Variants in PRKAA2 observed in about 807,000 individuals in gnomAD.
PRKAA2 encodes 5'-AMP-activated protein kinase catalytic subunit alpha-2.
A neutral mutation model predicts 56.3 loss-of-function variants in PRKAA2; 40 were observed. The observed-to-expected ratio is 0.71, with a 90% CI of 0.55 to 0.92. PRKAA2 has a LOEUF of 0.92. PRKAA2 is among the 40% of genes least tolerant of loss of function. The probability of loss-of-function intolerance (pLI) is 0.00; values close to 1 mark genes in which losing one functional copy is unlikely to be tolerated. For missense variants in PRKAA2, 542 were observed against 686.9 expected, an observed-to-expected ratio of 0.79 and a Z score of 2.36; for synonymous variants, 214 against 234.2, an observed-to-expected ratio of 0.91 and a Z score of 0.79.
At chr1:56,676,806 A>G (rs1277419836) in intron 2 of PRKAA2, among the ~76,000 whole-genome samples, 3 of 152,190 alleles carry the variant, frequency 2.0e-5, no homozygotes, top group Admixed American at 6.5e-5. Flanking sequence ...AGAGTATGCC[A>G]CTGACTGTTC....
At chr1:56,707,066 C>G (rs1055933578) in intron 8 of PRKAA2, among the ~76,000 whole-genome samples, 1 of 152,124 alleles carries the variant, frequency 6.6e-6, no homozygotes, top group African/African-American at 2.4e-5. Context: ...AACAAGATTT[C>G]TCTCACTTTG....
At chr1:56,681,522 T>C (rs2100413013) in intron 2 of PRKAA2, among the ~76,000 whole-genome samples, 1 of 152,322 alleles carries the variant, frequency 6.6e-6, no homozygotes, top group Non-Finnish European at 1.5e-5. Flanking sequence ...CCATCTTGAA[T>C]TAATTTTTGT....
intron 1 of PRKAA2, among the ~76,000 whole-genome samples, chr1:56,650,019 C>G (rs12086954): frequency 1.3e-5 from 2 of 151,920 alleles, no homozygotes; most frequent in Non-Finnish European, 2.9e-5. Flanking sequence ...CACTTGGACC[C>G]GGGAGGCGGA....
At chr1:56,682,680 AT>A (rs1339466159) in intron 2 of PRKAA2, among the ~76,000 whole-genome samples, 1 of 152,096 alleles carries the variant, frequency 6.6e-6, no homozygotes, top group Non-Finnish European at 1.5e-5. Context: ...TAGAATGGGT[AT>A]GGTGGCAGAA....
chr1:56,714,191 T>C lies in PRKAA2; in HGVS notation c.*6478T>C, dbSNP rs1644390228. 6.6e-6 allele frequency: 1 copy of C among 152,166 alleles called. No individual in the cohort carries two copies. The highest frequency in any genetic ancestry group is 2.4e-5 in the African/African-American group (1 of 41,442). The allele number at this position is 152,166 out of a possible 1,614,324, so 9.4% of individuals were successfully genotyped here. ...ATGGCAGTTTTTATATTTTAACCCTTTAAAAAGTTTGTCAAGGAAACAACT... is the reference window on the plus strand; with the variant it reads ...ATGGCAGTTTTTATATTTTAACCCTCTAAAAAGTTTGTCAAGGAAACAACT... On this transcript the variant is annotated 3_prime_UTR_variant, in exon 9 of 9. Coordinates refer to ENST00000371244, the MANE Select transcript of PRKAA2 (RefSeq NM_006252.4).
Position 56,704,418 on chromosome 1 carries a change from G to T in PRKAA2, c.1236G>T (p.Pro412=), listed in dbSNP as rs772663945. 2 of 1,613,212 alleles carry T rather than the reference G, an allele frequency of 1.2e-6. No homozygotes were observed. Residue 412 remains proline (P), a synonymous_variant, in exon 7 of 9, where the codon CCG becomes CCT. Coordinates refer to ENST00000371244, the MANE Select transcript of PRKAA2 (RefSeq NM_006252.4). ...WHLGIRSQSK[P]YDIMAEVYRA... is the part of the protein sequence containing the mutation. ...TTGGAATCCGAAGTCAGAGCAAACCGTATGACATTATGGCTGAAGTTTACC... is the reference window on the plus strand; with the variant it reads ...TTGGAATCCGAAGTCAGAGCAAACCTTATGACATTATGGCTGAAGTTTACC...
chr1:56,649,664 T>C (rs1427062925), intron 1 of PRKAA2, among the ~76,000 whole-genome samples: 2 of 152,026 alleles, frequency 1.3e-5, no homozygotes, highest in Non-Finnish European at 2.9e-5. Flanking sequence ...TATTAATTAG[T>C]TTTTTTTAGG....
Position 56,695,918 on chromosome 1 carries a change from G to C in PRKAA2, c.564-17G>C. On this transcript the variant is annotated splice_polypyrimidine_tract_variant and intron_variant, in intron 5 of 8. Transcript: ENST00000371244. ...GATTCTTGCATTTCAGGTTTGTGTTGTCATCTTTTTTCTTAGATTGTATGC... is the reference window on the plus strand; with the variant it reads ...GATTCTTGCATTTCAGGTTTGTGTTCTCATCTTTTTTCTTAGATTGTATGC... 6.2e-7 allele frequency: 1 copy of C among 1,603,856 alleles called. No homozygotes were observed. Among genetic ancestry groups the C allele is most frequent in the East Asian group, 2.2e-5 (1 of 44,786 alleles).
chr1:56,692,229 A>C, intron 3 of PRKAA2, 129 bp from the exon 4 acceptor site: 1 of 1,051,508 alleles, frequency 9.5e-7, no homozygotes, highest in Non-Finnish European at 1.4e-6. Context: ...ATGGAGTTTC[A>C]CCTTATTGGT....
At chr1:56,680,916 C>A (rs931390109) in intron 2 of PRKAA2, among the ~76,000 whole-genome samples, 6 of 152,158 alleles carry the variant, frequency 3.9e-5, no homozygotes, top group Admixed American at 6.5e-5. Context: ...AGTTCTAGAT[C>A]CTTGAGGAAT....
chr1:56,675,351 T>C (rs1193779798), intron 2 of PRKAA2, among the ~76,000 whole-genome samples: 1 of 152,204 alleles, frequency 6.6e-6, no homozygotes, highest in African/African-American at 2.4e-5. Flanking sequence ...AAGCATTTTT[T>C]TTTTGTCAAG....
At position 56,645,466 on chromosome 1, in the gene PRKAA2, T is replaced by C; in HGVS notation, c.79T>C (p.Phe27Leu). ...GGGCGACACGCTGGGCGTCGGCACC[T>C]TCGGCAAAGTGAAGAGTTGAGTACG... is the stretch of plus-strand genomic sequence containing the variant. ...VLGDTLGVGT[F>L]GKVKIGEHQL... The change falls in exon 1 of 9, where the codon TTC becomes CTC. Residue 27 changes from phenylalanine (F) to leucine (L), a missense_variant. Around this residue, in one of 5 missense-constraint regions of PRKAA2, gnomAD observed 59 missense variants for 53.9 expected, o/e 1.09. Transcript: ENST00000371244. 1 of 1,497,292 alleles carries C rather than the reference T, an allele frequency of 6.7e-7. No homozygotes were observed. The highest frequency in any genetic ancestry group is 9.0e-7 in the Non-Finnish European group (1 of 1,116,320). The allele number at this position is 1,497,292 out of a possible 1,614,324, so 92.8% of individuals were successfully genotyped here.
rs1326796220 is a variant in PRKAA2 at position 56,709,630 on chromosome 1, ATTT to A, written c.*1918_*1920del. 1 of 152,104 alleles carries A rather than the reference ATTT, an allele frequency of 6.6e-6. No homozygotes were observed. The highest frequency in any genetic ancestry group is 6.6e-5 in the Admixed American group (1 of 15,262). 9.4% of individuals were successfully genotyped at this position (152,104 alleles called of 1,614,324 possible). A position where few individuals can be genotyped will look rare whatever the true frequency, so the allele number is the denominator to read the frequency against. On this transcript the variant is annotated 3_prime_UTR_variant, in exon 9 of 9. Transcript: ENST00000371244. Reference sequence around the variant, plus strand: ...GGAAAAAACAGGGCCACCTCATAATATTTGCCTGATTATGAATGGAATTACCTT... The same window carrying A: ...GGAAAAAACAGGGCCACCTCATAATAGCCTGATTATGAATGGAATTACCTT...
At position 56,713,954 on chromosome 1, in the gene PRKAA2, C is replaced by T. The variant is rs1644388205; in HGVS notation, c.*6241C>T. 1.3e-5 allele frequency: 2 copies of T among 150,882 alleles called. No homozygotes were observed. Among genetic ancestry groups the T allele is most frequent in the Admixed American group, 6.6e-5 (1 of 15,130 alleles). The allele number at this position is 150,882 out of a possible 1,614,324, so 9.3% of individuals were successfully genotyped here. A position where few individuals can be genotyped will look rare whatever the true frequency, so the allele number is the denominator to read the frequency against. ...ACTATATTTTCTTTTTTTCTAATCC[C>T]TCTCAGTTCTCCTTAGATCTGCCTC... On this transcript the variant is annotated 3_prime_UTR_variant, in exon 9 of 9. Transcript: ENST00000371244.
chr1:56,688,092 G>T (rs915592748), intron 2 of PRKAA2, among the ~76,000 whole-genome samples: 2 of 152,142 alleles, frequency 1.3e-5, no homozygotes, highest in African/African-American at 4.8e-5. Context: ...CAAGAGATTT[G>T]ACTTACTCAG....
intron 1 of PRKAA2, among the ~76,000 whole-genome samples, chr1:56,660,791 G>A (rs1643987887): frequency 6.6e-6 from 1 of 152,040 alleles, no homozygotes. Context: ...TACCTTGTGG[G>A]AGTTTTGGGA....
chr1:56,645,348 CG>C lies in PRKAA2; in HGVS notation c.-38del, dbSNP rs1179687729. 7.0e-7 allele frequency: 1 copy of C among 1,419,902 alleles called. No homozygotes were observed. The allele number at this position is 1,419,902 out of a possible 1,614,324, so 88.0% of individuals were successfully genotyped here. On this transcript the variant is annotated 5_prime_UTR_variant, in exon 1 of 9. Transcript: ENST00000371244. ...GTAGGCGGCGGCGGCGGCGGCTACG[CG>C]GAGCGGCAGGCGGTGGAGCGAGGCC... is the stretch of plus-strand genomic sequence containing the variant.
intron 1 of PRKAA2, among the ~76,000 whole-genome samples, chr1:56,671,646 G>A (rs953067235): frequency 1.3e-5 from 2 of 152,090 alleles, no homozygotes; most frequent in South Asian, 2.1e-4. Flanking sequence ...AATCTCCAGC[G>A]ACAGAAACTC....
At chr1:56,649,036 T>A (rs1646666583) in intron 1 of PRKAA2, among the ~76,000 whole-genome samples, 1 of 152,204 alleles carries the variant, frequency 6.6e-6, no homozygotes, top group Admixed American at 6.5e-5. Flanking sequence ...TTTTGAAGTA[T>A]AAAAGTTTTG....
Sources: gnomAD v4.1 joint callset for allele counts (sites outside exome capture counted in the v4.1 genomes callset) on GRCh38, gnomAD v4.1.1 for gene constraint, gnomAD v4.1.1 regional missense constraint, MANE v1.5 for transcripts, NCBI Gene and HGNC (gene_info 2026-07-23, HGNC 2026-07-21) for gene names.